AMZ1: variants seen among roughly 807,000 people sequenced by gnomAD.
The protein encoded by AMZ1 is archaemetzincin-1.
AMZ1 carries 39 observed loss-of-function variants against 29.9 expected under a neutral mutation model. That is an observed-to-expected ratio of 1.30 (90% confidence interval 1.01 to 1.70). The LOEUF (loss-of-function observed/expected upper bound fraction) is 1.70. Among genes scored for constraint, AMZ1 ranks in the 40% most tolerant of loss-of-function variants. The pLI is 0.00. For synonymous variants in AMZ1, 458 were observed against 304.0 expected, an observed-to-expected ratio of 1.51 and a Z score of -5.27; for missense variants, 1,041 against 680.6, an observed-to-expected ratio of 1.53 and a Z score of -5.89.
At chr7:2,761,875 C>T (rs765907587), upstream of AMZ1, among the ~76,000 whole-genome samples, 10 of 152,308 alleles carry the variant, frequency 6.6e-5, no homozygotes, top group African/African-American at 1.7e-4. Context: ...ACGTAAAATT[C>T]GGCTTCCAGC....
intron 4 of AMZ1, among the ~76,000 whole-genome samples, chr7:2,727,948 T>C (rs1166657773): frequency 6.7e-6 from 1 of 149,978 alleles, no homozygotes; most frequent in Non-Finnish European, 1.5e-5. Flanking sequence ...ACCCAGCTAC[T>C]TGAGAGGCTG....
rs558713915 is a variant in AMZ1, at chr7:2,693,504, C to T, written c.-219+5208C>T. The stretch of plus-strand genomic sequence containing the variant: ...GAGACTTCCTCCGACCTCAGCCTCT[C>T]GAGTAACTAGGACCACAGATGTGTG... On this transcript the variant is annotated intron_variant, in intron 1 of 6. Coordinates refer to ENST00000683327, the MANE Select transcript of AMZ1 (RefSeq NM_001384743.1). 4.6e-5 allele frequency among the ~76,000 whole-genome samples: 7 copies of T among 151,994 alleles called. No homozygotes were observed. The East Asian group carries it at 1.2e-3, about 25-fold the overall frequency.
chr7:2,711,449 G>C lies in AMZ1; in HGVS notation c.949-881G>C, dbSNP rs756143492. Among the ~76,000 whole-genome samples, 2 of 152,252 alleles carry C rather than the reference G, an allele frequency of 1.3e-5. 1 individual carries two copies. Among genetic ancestry groups the C allele is most frequent in the South Asian group, 4.1e-4 (2 of 4,830 alleles). On this transcript the variant is annotated intron_variant, in intron 6 of 6. Coordinates refer to ENST00000683327, the MANE Select transcript of AMZ1 (RefSeq NM_001384743.1). ...CCAATGTGATGTCAGTGAGTGCTGA[G>C]TTGGGAACAGATGTGCAGTGGGACC...
At chr7:2,684,620 T>TGTGCAGTC (rs1332457714), upstream of AMZ1, among the ~76,000 whole-genome samples, 2 of 152,182 alleles carry the variant, frequency 1.3e-5, no homozygotes, top group African/African-American at 4.8e-5. Context: ...CAGAAAGGGG[T>TGTGCAGTC]GTGCAGTCTG....
At chr7:2,696,317 T>G (rs1256451158) in intron 1 of AMZ1, among the ~76,000 whole-genome samples, 1 of 145,580 alleles carries the variant, frequency 6.9e-6, no homozygotes, top group Non-Finnish European at 1.5e-5. Flanking sequence ...AGTGCAGTGG[T>G]GCGATCTTGG....
chr7:2,753,865 A>G lies in AMZ1; in HGVS notation n.551-10847A>G, dbSNP rs576659429. Among the ~76,000 whole-genome samples, 10 of 152,242 alleles carry G rather than the reference A, an allele frequency of 6.6e-5. No individual in the cohort carries two copies. The South Asian group carries it at 2.1e-3, about 32-fold the overall frequency. On this transcript the variant is annotated intron_variant and non_coding_transcript_variant, in intron 4 of 4. Transcript: ENST00000489665. ...GGCAACCTCCTCTTCTGGTTTAGGA[A>G]CAATCTGTTCCTTTTCAGTAAGGAT...
intron 1 of AMZ1, among the ~76,000 whole-genome samples, chr7:2,698,481 T>G (rs2115091230): frequency 6.6e-6 from 1 of 152,036 alleles, no homozygotes; most frequent in Non-Finnish European, 1.5e-5. Context: ...GAGGTTGCAG[T>G]GAGCCCAGAT....
chr7:2,724,382 C>T (rs1163355243), downstream of AMZ1, among the ~76,000 whole-genome samples: 2 of 152,238 alleles, frequency 1.3e-5, no homozygotes, highest in African/African-American at 2.4e-5. Context: ...GGGTGAAATG[C>T]ATCAGCTTTT....
chr7:2,748,939 T>C (rs1044153690), intron 4 of AMZ1, among the ~76,000 whole-genome samples: 5 of 152,094 alleles, frequency 3.3e-5, no homozygotes, highest in African/African-American at 1.2e-4. Flanking sequence ...ATCAGAGAAA[T>C]GCAAATCAAA....
chr7:2,731,438 T>G lies in AMZ1; in HGVS notation n.550+21622T>G. The G allele has an allele frequency of 6.2e-7, 1 of 1,613,670 alleles. No individual in the cohort carries two copies. Among genetic ancestry groups the G allele is most frequent in the Non-Finnish European group, 8.5e-7 (1 of 1,179,736 alleles). ...ACCTTCTCCACCAGGAGGTCCATCT[T>G]GTTGAGGAAGAGAATGATGGAGACG... On this transcript the variant is annotated intron_variant and non_coding_transcript_variant, in intron 4 of 4. Coordinates refer to the AMZ1 transcript ENST00000489665. This position sits in a 1 kb window ranked among gnomAD's most constrained non-coding sequence, Gnocchi z 6.0.
upstream of AMZ1, chr7:2,762,503 CCTAA>C (rs1215624309): frequency 3.3e-6 from 3 of 895,962 alleles, no homozygotes; most frequent in African/African-American, 1.7e-5. Flanking sequence ...GTGTGAGTAG[CCTAA>C]CTGTGGACTA....
Position 2,759,188 on chromosome 7 carries a change from T to A in AMZ1, n.551-5524T>A, listed in dbSNP as rs149210236. On this transcript the variant is annotated intron_variant and non_coding_transcript_variant, in intron 4 of 4. Transcript: ENST00000489665. ...ATAAATAAATAAATAAATAAATAAA[T>A]AAAATAAAAATAAAAACCCCATGAT... is the stretch of plus-strand genomic sequence containing the variant. Among the ~76,000 whole-genome samples, 579 of 144,622 alleles carry A rather than the reference T, an allele frequency of 4.0e-3. 2 individuals carry two copies. Among genetic ancestry groups the A allele is most frequent in the Non-Finnish European group, 4.5e-3 (300 of 66,160 alleles). 94.9% of individuals were successfully genotyped at this position (144,622 alleles called of 152,430 possible).
intron 4 of AMZ1, among the ~76,000 whole-genome samples, chr7:2,732,748 C>T (rs1789964926): frequency 6.6e-6 from 1 of 152,086 alleles, no homozygotes; most frequent in South Asian, 2.1e-4. Context: ...AGAGCAAAGT[C>T]CACATGGTAA....
At position 2,715,286 on chromosome 7, in the gene AMZ1, A is replaced by AT. The variant is rs1789055846; in HGVS notation, c.*2409dup. The stretch of plus-strand genomic sequence containing the variant: ...CAACACAATATTGCTGTGGCCATTC[A>AT]TGAACAGTCAGTCAGCCCCACTCGG... On this transcript the variant is annotated 3_prime_UTR_variant, in exon 7 of 7. Coordinates refer to ENST00000683327, the MANE Select transcript of AMZ1 (RefSeq NM_001384743.1). 6.6e-6 allele frequency: 1 copy of AT among 152,348 alleles called. No homozygotes were observed. Among genetic ancestry groups the AT allele is most frequent in the Non-Finnish European group, 1.5e-5 (1 of 68,036 alleles). The allele number at this position is 152,348 out of a possible 1,614,324, so 9.4% of individuals were successfully genotyped here.
chr7:2,735,783 T>A (rs933953497), intron 4 of AMZ1, among the ~76,000 whole-genome samples: 7 of 152,150 alleles, frequency 4.6e-5, no homozygotes, highest in African/African-American at 1.7e-4. Flanking sequence ...TCTAGTTTCA[T>A]GTCAGGGCGG....
chr7:2,741,931 T>C (rs1211011633), intron 4 of AMZ1, among the ~76,000 whole-genome samples: 1 of 151,682 alleles, frequency 6.6e-6, no homozygotes, highest in Non-Finnish European at 1.5e-5. Flanking sequence ...TATAAGACCA[T>C]TTCCCTCCTC....
chr7:2,711,586 T>C (rs1283467850), intron 6 of AMZ1, among the ~76,000 whole-genome samples: 1 of 152,158 alleles, frequency 6.6e-6, no homozygotes, highest in African/African-American at 2.4e-5. Context: ...AGTACTGCCT[T>C]TGCTTTACAT....
chr7:2,684,700 AG>A (rs1000059208), upstream of AMZ1, among the ~76,000 whole-genome samples: 15 of 152,088 alleles, frequency 9.9e-5, no homozygotes, highest in African/African-American at 3.1e-4. Context: ...CTTGGCTGGC[AG>A]GGGCCAGGTC....
At chr7:2,692,474 G>T (rs1326738320) in intron 1 of AMZ1, among the ~76,000 whole-genome samples, 4 of 152,166 alleles carry the variant, frequency 2.6e-5, no homozygotes, top group Non-Finnish European at 5.9e-5. Context: ...CCCGGGAAGC[G>T]GAGGTTGCAG....
Sources: gnomAD v4.1 joint callset for allele counts (sites outside exome capture counted in the v4.1 genomes callset) on GRCh38, gnomAD v4.1.1 for gene constraint, Gnocchi (gnomAD v3.1) non-coding constraint, MANE v1.5 for transcripts, NCBI Gene and HGNC (gene_info 2026-07-23, HGNC 2026-07-21) for gene names.